The following GPC5 variants were observed in gnomAD, a reference collection of about 807,000 sequenced individuals.
The protein encoded by GPC5 is glypican 5.
A neutral mutation model predicts 53.9 loss-of-function variants in GPC5; 47 were observed. The ratio of observed to expected loss-of-function variants is 0.87; its 90% CI spans 0.69 to 1.11. GPC5 has a LOEUF of 1.11. Among genes scored for constraint, GPC5 ranks in the 50% most tolerant of loss-of-function variants. The pLI, the probability that GPC5 is intolerant of heterozygous loss-of-function variation, is 0.00. For synonymous variants in GPC5, 286 were observed against 263.3 expected (o/e 1.09, Z -0.84); for missense variants, 748 against 713.1 (o/e 1.05, Z -0.56).
chr13:91,496,970 GT>G (rs1197054481), intron 2 of GPC5, among the ~76,000 whole-genome samples: 2 of 151,822 alleles, frequency 1.3e-5, no homozygotes, highest in Non-Finnish European at 2.9e-5. Context: ...AAAATCCCCC[GT>G]TACTGTCTTT....
chr13:91,705,491 T>C (rs1321915622), intron 3 of GPC5, among the ~76,000 whole-genome samples: 1 of 152,198 alleles, frequency 6.6e-6, no homozygotes, highest in Non-Finnish European at 1.5e-5. Flanking sequence ...TCAGTGACAT[T>C]TGTCTGTACA....
chr13:91,830,743 T>A (rs2038642300), intron 5 of GPC5, among the ~76,000 whole-genome samples: 2 of 144,242 alleles, frequency 1.4e-5, no homozygotes, highest in Non-Finnish European at 3.0e-5. Flanking sequence ...TATATGTATA[T>A]AAATATACAC....
intron 7 of GPC5, among the ~76,000 whole-genome samples, chr13:92,371,676 A>G (rs1464881151): frequency 6.6e-6 from 1 of 152,198 alleles, no homozygotes; most frequent in Non-Finnish European, 1.5e-5. Context: ...CGAAGGGGGA[A>G]GATCCCCTTA....
intron 6 of GPC5, among the ~76,000 whole-genome samples, chr13:92,065,850 C>T (rs2041163238): frequency 6.6e-6 from 1 of 151,798 alleles, no homozygotes; most frequent in Non-Finnish European, 1.5e-5. Flanking sequence ...TTTGAGGGGA[C>T]TAGGGTAGGT....
chr13:91,426,692 A>C lies in GPC5; in HGVS notation c.164-22069A>C, dbSNP rs372841762. Among the ~76,000 whole-genome samples, 14 of 152,204 alleles carry C rather than the reference A, an allele frequency of 9.2e-5. No homozygotes were observed. In the South Asian group the frequency reaches 2.3e-3, roughly 25 times the overall value. ...ATGGGAGAAAGATGGAGGCCAGAAG[A>C]CTTAGCCTGTCTAGTCCTTCCATAT... On this transcript the variant is annotated intron_variant, in intron 1 of 7. Transcript: ENST00000377067.
chr13:91,539,831 T>C (rs1353587909), intron 2 of GPC5, among the ~76,000 whole-genome samples: 2 of 151,896 alleles, frequency 1.3e-5, no homozygotes, highest in Non-Finnish European at 2.9e-5. Context: ...TACAACATCA[T>C]GGAAATACAA....
Position 91,813,826 on chromosome 13 carries a change from A to T in GPC5, c.1280+57406A>T, listed in dbSNP as rs543917037. Among the ~76,000 whole-genome samples, 3 of 152,078 alleles carry T rather than the reference A, an allele frequency of 2.0e-5. No individual in the cohort carries two copies. In the East Asian group the frequency reaches 5.8e-4, roughly 29 times the overall value. On this transcript the variant is annotated intron_variant, in intron 5 of 7. Transcript: ENST00000377067. ...TTTTTAAAGGCTTAGCTACTTAAGCATTTAAAATACCTTCTCTCACAAAAG... is the reference window on the plus strand; with the variant it reads ...TTTTTAAAGGCTTAGCTACTTAAGCTTTTAAAATACCTTCTCTCACAAAAG...
At chr13:92,269,595 A>G (rs1271664750) in intron 7 of GPC5, among the ~76,000 whole-genome samples, 1 of 151,950 alleles carries the variant, frequency 6.6e-6, no homozygotes, top group Non-Finnish European at 1.5e-5. Context: ...TTTAGTAGAG[A>G]CGGGATTTCA....
At chr13:92,025,363 A>C (rs2040792797) in intron 6 of GPC5, among the ~76,000 whole-genome samples, 1 of 152,132 alleles carries the variant, frequency 6.6e-6, no homozygotes, top group South Asian at 2.1e-4. Flanking sequence ...TTCTGTGTAC[A>C]CAGAGAAAGA....
intron 6 of GPC5, among the ~76,000 whole-genome samples, chr13:91,940,305 T>G (rs2039913360): frequency 6.6e-6 from 1 of 152,114 alleles, no homozygotes; most frequent in African/African-American, 2.4e-5. Context: ...ACACCTCTTT[T>G]GCTGCAAAGG....
At chr13:92,621,553 G>A (rs962404098) in intron 7 of GPC5, among the ~76,000 whole-genome samples, 3 of 152,152 alleles carry the variant, frequency 2.0e-5, no homozygotes, top group Admixed American at 2.0e-4. Flanking sequence ...AAGCACAGTA[G>A]CTCACACCTG....
chr13:91,582,800 G>A (rs1184252984), intron 2 of GPC5, among the ~76,000 whole-genome samples: 1 of 152,108 alleles, frequency 6.6e-6, no homozygotes, highest in Admixed American at 6.6e-5. Context: ...ATAACTTGAG[G>A]TCAGGTGTTC....
intron 3 of GPC5, among the ~76,000 whole-genome samples, chr13:91,723,522 T>C (rs1315676814): frequency 1.3e-5 from 2 of 152,122 alleles, no homozygotes; most frequent in Non-Finnish European, 2.9e-5. Flanking sequence ...TTCTACCTTC[T>C]AACTTCCATA....
intron 6 of GPC5, among the ~76,000 whole-genome samples, chr13:92,030,021 C>T (rs1240980980): frequency 2.0e-5 from 3 of 152,160 alleles, no homozygotes; most frequent in African/African-American, 7.2e-5. Flanking sequence ...CAGAAATGCA[C>T]AATACCTCCT....
intron 5 of GPC5, among the ~76,000 whole-genome samples, chr13:91,769,471 G>T (rs1169686719): frequency 6.6e-6 from 1 of 152,108 alleles, no homozygotes. Context: ...ATAGAAGTTG[G>T]GTTAAGGGCA....
At chr13:91,909,058 A>G (rs534859631) in intron 6 of GPC5, among the ~76,000 whole-genome samples, 2 of 152,314 alleles carry the variant, frequency 1.3e-5, no homozygotes, top group African/African-American at 4.8e-5. Flanking sequence ...TAAGAAGGAC[A>G]TGGGGGTTGG....
At chr13:92,662,353 C>T (rs1886376477) in intron 7 of GPC5, among the ~76,000 whole-genome samples, 1 of 152,212 alleles carries the variant, frequency 6.6e-6, no homozygotes, top group Non-Finnish European at 1.5e-5. Flanking sequence ...CTAGAACAGG[C>T]TTTCGTCACC....
At chr13:92,188,672 G>A (rs1566476229) in intron 7 of GPC5, among the ~76,000 whole-genome samples, 1 of 151,776 alleles carries the variant, frequency 6.6e-6, no homozygotes, top group African/African-American at 2.4e-5. Context: ...TATATAACAG[G>A]GTTTTTCACA....
At chr13:92,042,969 GA>G (rs1386764130) in intron 6 of GPC5, among the ~76,000 whole-genome samples, 1 of 152,096 alleles carries the variant, frequency 6.6e-6, no homozygotes, top group Non-Finnish European at 1.5e-5. Context: ...ACAATAAACA[GA>G]TATGAAAACT....
Sources: gnomAD v4.1 joint callset for allele counts (sites outside exome capture counted in the v4.1 genomes callset) on GRCh38, gnomAD v4.1.1 for gene constraint, MANE v1.5 for transcripts, NCBI Gene and HGNC (gene_info 2026-07-23, HGNC 2026-07-21) for gene names.